Variants in SLC3A2 observed in about 807,000 individuals in gnomAD.
The protein encoded by SLC3A2 is amino acid transporter heavy chain SLC3A2.
In SLC3A2, 32 loss-of-function variants were observed where a neutral mutation model predicts 48.5. The ratio of observed to expected loss-of-function variants is 0.66; its 90% CI spans 0.50 to 0.89. The LOEUF is 0.89. Ranked by LOEUF, SLC3A2 falls within the 40% of genes least tolerant of loss-of-function variation. The probability of loss-of-function intolerance (pLI) is 0.00; values close to 1 mark genes in which losing one functional copy is unlikely to be tolerated. For synonymous variants in SLC3A2, 277 were observed against 288.8 expected (o/e 0.96, Z 0.41); for missense variants, 587 against 680.7 (o/e 0.86, Z 1.53).
chr11:62,861,089 C>T (rs1205292158), intron 1 of SLC3A2, among the ~76,000 whole-genome samples: 1 of 152,030 alleles, frequency 6.6e-6, no homozygotes, highest in Non-Finnish European at 1.5e-5. Context: ...CACATAATCC[C>T]AGCACTTTGG....
At chr11:62,882,542 T>A (rs1016890934) in intron 2 of SLC3A2, 20 of 274,484 alleles carry the variant, frequency 7.3e-5, no homozygotes, top group African/African-American at 4.4e-4. Flanking sequence ...TGCAGTGCAG[T>A]GGAACGATCT....
Position 62,881,774 on chromosome 11 carries a change from C to A in SLC3A2, c.425-119C>A. ...TCTGAGTCTCGTGATTCAGCCTTGC[C>A]TCCCTCTCTCCCCCTTTGCCCCCTC... On this transcript the variant is annotated intron_variant, in intron 1 of 8. Coordinates refer to ENST00000338663, the MANE Select transcript of SLC3A2 (RefSeq NM_001013251.3). The surrounding 1 kb of genome is among the most constrained non-coding windows in gnomAD (Gnocchi z 4.0). 8.6e-7 allele frequency: 1 copy of A among 1,160,324 alleles called. No individual in the cohort carries two copies. The highest frequency in any genetic ancestry group is 1.2e-6 in the Non-Finnish European group (1 of 816,202). The allele number at this position is 1,160,324 out of a possible 1,614,324, so 71.9% of individuals were successfully genotyped here.
At chr11:62,864,458 A>AT (rs918490010) in intron 1 of SLC3A2, among the ~76,000 whole-genome samples, 3 of 151,582 alleles carry the variant, frequency 2.0e-5, no homozygotes, top group Non-Finnish European at 4.4e-5. Context: ...CTGGCTAATT[A>AT]TTTTTTTTAT....
exon 1 of SLC3A2, chr11:62,856,303 G>A (rs144685406): frequency 1.2e-6 from 2 of 1,613,524 alleles, no homozygotes; most frequent in Non-Finnish European, 1.7e-6. Flanking sequence ...CTCGATCGCC[G>A]TCGTGTCGAT....
chr11:62,870,726 T>A (rs2085502451), intron 1 of SLC3A2: 1 of 143,102 alleles, frequency 7.0e-6, no homozygotes, highest in South Asian at 2.0e-4. Context: ...ATTATTATTA[T>A]TTTTTTTTTT....
chr11:62,860,702 A>G (rs549097329), intron 1 of SLC3A2, among the ~76,000 whole-genome samples: 6 of 152,140 alleles, frequency 3.9e-5, no homozygotes, highest in Middle Eastern at 3.4e-3. Context: ...TTCCATTCCC[A>G]TGAGGCCATA....
intron 2 of SLC3A2, 122 bp from the exon 3 acceptor site, chr11:62,882,786 C>G (rs186899409): frequency 2.3e-6 from 2 of 853,478 alleles, no homozygotes; most frequent in East Asian, 5.2e-5. Context: ...TGCCCGGGTT[C>G]AAATTCAAGC....
At chr11:62,861,852 G>A (rs1283016744) in intron 1 of SLC3A2, among the ~76,000 whole-genome samples, 3 of 150,292 alleles carry the variant, frequency 2.0e-5, no homozygotes, top group East Asian at 2.0e-4. Context: ...CGGAGGATGC[G>A]GTGAGCTGAG....
chr11:62,886,720 GCTGGGAATACAGGTGGT>G lies in SLC3A2; in HGVS notation c.1143+1126_1143+1142del, dbSNP rs541744561. ...TACTCCTGCCTCAGCTTCCCAAGTA[GCTGGGAATACAGGTGGT>G]CTGGGAATACAGGCACACACCACCA... is the stretch of plus-strand genomic sequence containing the variant. On this transcript the variant is annotated intron_variant, in intron 7 of 8. Transcript: ENST00000338663. 1.0e-2 allele frequency among the ~76,000 whole-genome samples: 1,516 copies of G among 152,168 alleles called. 19 individuals are homozygous for G. The highest frequency in any genetic ancestry group is 0.017 in the Non-Finnish European group (1,152 of 68,006).
chr11:62,871,001 C>T (rs547501612), intron 1 of SLC3A2, among the ~76,000 whole-genome samples: 51 of 150,734 alleles, frequency 3.4e-4, no homozygotes, highest in African/African-American at 1.2e-3. Flanking sequence ...TCTCCTGCCT[C>T]AGCTTCCTGA....
In SLC3A2 at chr11:62,888,085, C is replaced by T. The variant is rs79477177; in HGVS notation, c.1144-50C>T. 182 of 1,524,152 alleles carry T rather than the reference C, an allele frequency of 1.2e-4. No homozygotes were observed. In the East Asian group the frequency reaches 3.8e-3, roughly 32 times the overall value. The allele number at this position is 1,524,152 out of a possible 1,614,324, so 94.4% of individuals were successfully genotyped here. On this transcript the variant is annotated intron_variant, in intron 7 of 8. Transcript: ENST00000338663. ...CTGCTGGAATTACAGATGTGAGCCA[C>T]CATGCCTGACCCCAGGCCTTTTTAA...
upstream of SLC3A2, among the ~76,000 whole-genome samples, chr11:62,878,158 CAA>C (rs1231829472): frequency 2.6e-5 from 3 of 116,476 alleles, no homozygotes; most frequent in Non-Finnish European, 1.8e-5. Context: ...GACCCTGTCT[CAA>C]AAAAAAAAAA....
intron 1 of SLC3A2, among the ~76,000 whole-genome samples, chr11:62,860,607 T>G (rs1047964192): frequency 3.3e-5 from 5 of 152,166 alleles, no homozygotes; most frequent in Non-Finnish European, 7.3e-5. Context: ...GCCTTCCTCT[T>G]ATCTCAACTG....
intron 1 of SLC3A2, among the ~76,000 whole-genome samples, chr11:62,860,442 C>G (rs564089268): frequency 6.7e-6 from 1 of 149,018 alleles, no homozygotes; most frequent in African/African-American, 2.5e-5. Context: ...GGCGACAAGG[C>G]GAGACTCTGT....
chr11:62,868,744 T>A (rs2085479822), intron 1 of SLC3A2, among the ~76,000 whole-genome samples: 1 of 152,162 alleles, frequency 6.6e-6, no homozygotes, highest in Admixed American at 6.6e-5. Context: ...ACTTATGCAA[T>A]TTGTATCCTC....
chr11:62,886,296 A>AAAAAAG (rs1565256847), intron 7 of SLC3A2: 1 of 152,002 alleles, frequency 6.6e-6, no homozygotes, highest in African/African-American at 2.4e-5. Flanking sequence ...CTCCAAAAAA[A>AAAAAAG]AAAAGAAAAG....
At chr11:62,857,419 C>T (rs1034922464) in intron 1 of SLC3A2, among the ~76,000 whole-genome samples, 2 of 152,168 alleles carry the variant, frequency 1.3e-5, no homozygotes, top group African/African-American at 2.4e-5. Flanking sequence ...CCACCACACC[C>T]GGCCTGGCTC....
chr11:62,860,788 G>A (rs780580490), intron 1 of SLC3A2, among the ~76,000 whole-genome samples: 1 of 152,190 alleles, frequency 6.6e-6, no homozygotes, highest in Non-Finnish European at 1.5e-5. Context: ...GCGGCCTTCC[G>A]CAGTGCACTG....
intron 1 of SLC3A2, among the ~76,000 whole-genome samples, chr11:62,864,529 C>T (rs1323293985): frequency 6.6e-6 from 1 of 151,954 alleles, no homozygotes; most frequent in Non-Finnish European, 1.5e-5. Context: ...TGCAGTGGCG[C>T]GATCTCGGCT....
Sources: gnomAD v4.1 joint callset for allele counts (sites outside exome capture counted in the v4.1 genomes callset) on GRCh38, gnomAD v4.1.1 for gene constraint, Gnocchi (gnomAD v3.1) non-coding constraint, MANE v1.5 for transcripts, NCBI Gene and HGNC (gene_info 2026-07-23, HGNC 2026-07-21) for gene names.